VSTM4: variants seen among roughly 807,000 people sequenced by gnomAD.
VSTM4 encodes the protein V-set and transmembrane domain-containing protein 4.
VSTM4 carries 20 observed loss-of-function variants against 36.4 expected under a neutral mutation model. The observed-to-expected ratio is 0.55, with a 90% CI of 0.39 to 0.80. The LOEUF (loss-of-function observed/expected upper bound fraction) is 0.80, where lower values mean the gene tolerates loss of function less well. VSTM4 is among the 30% of genes least tolerant of loss of function. The probability of loss-of-function intolerance (pLI) is 0.00; values close to 1 mark genes in which losing one functional copy is unlikely to be tolerated. For synonymous variants in VSTM4, 182 were observed against 173.9 expected, an observed-to-expected ratio of 1.05 and a Z score of -0.37; for missense variants, 392 against 404.5, an observed-to-expected ratio of 0.97 and a Z score of 0.26.
chr10:49,079,937 C>A (rs1844249773), intron 3 of VSTM4, among the ~76,000 whole-genome samples: 2 of 151,874 alleles, frequency 1.3e-5, no homozygotes, highest in Non-Finnish European at 2.9e-5. Flanking sequence ...TTTTCAATTT[C>A]TCTCATTTTC....
At position 49,107,640 on chromosome 10, in the gene VSTM4, G is replaced by A. The variant is rs1844807756; in HGVS notation, c.411C>T (p.Asn137=). The A allele has an allele frequency of 6.2e-7, 1 of 1,613,736 alleles. No homozygotes were observed. Among genetic ancestry groups the A allele is most frequent in the Non-Finnish European group, 8.5e-7 (1 of 1,179,746 alleles). ...CRVQEISRHR[N]KWTAWSNGSS... Reference sequence around the variant, plus strand: ...AGCCATTGGACCAGGCCGTCCACTTGTTCCTGTGCCTGCTGATTTCCTGGA... The same window carrying A: ...AGCCATTGGACCAGGCCGTCCACTTATTCCTGTGCCTGCTGATTTCCTGGA... Residue 137 remains asparagine (N), a synonymous_variant, in exon 2 of 8, where the codon AAC becomes AAT. Transcript: ENST00000332853.
At chr10:49,063,296 T>C (rs1843914917) in intron 5 of VSTM4, among the ~76,000 whole-genome samples, 1 of 152,132 alleles carries the variant, frequency 6.6e-6, no homozygotes, top group African/African-American at 2.4e-5. Context: ...GATCATGCTA[T>C]TGCACTCCAG....
rs192343077 is a variant in VSTM4 at position 49,025,740 on chromosome 10, A to G, written c.838-5965T>C. Among the ~76,000 whole-genome samples the G allele has an allele frequency of 7.9e-4, 121 of 152,344 alleles. 1 individual carries two copies. The highest frequency in any genetic ancestry group is 2.7e-3 in the African/African-American group (114 of 41,584). ...ATCTGAGCAATGCACCTGGCTACCAAGTGACCGGCACACGGGCTAGCTGCA... is the reference window on the plus strand; with the variant it reads ...ATCTGAGCAATGCACCTGGCTACCAGGTGACCGGCACACGGGCTAGCTGCA... On this transcript the variant is annotated intron_variant, in intron 7 of 7. Coordinates refer to ENST00000332853, the MANE Select transcript of VSTM4 (RefSeq NM_001031746.5).
chr10:49,023,947 C>T (rs1255244213), intron 7 of VSTM4, among the ~76,000 whole-genome samples: 2 of 152,156 alleles, frequency 1.3e-5, no homozygotes, highest in East Asian at 3.8e-4. Flanking sequence ...GGCCTCAGAC[C>T]CGGACCGAGT....
At chr10:49,104,327 A>T (rs150071869) in intron 2 of VSTM4, among the ~76,000 whole-genome samples, 128 of 152,224 alleles carry the variant, frequency 8.4e-4, no homozygotes, top group African/African-American at 3.0e-3. Flanking sequence ...AACTATGAAC[A>T]TGAGGTGGAA....
chr10:49,111,523 C>A (rs1031364106), intron 1 of VSTM4, among the ~76,000 whole-genome samples: 2 of 152,196 alleles, frequency 1.3e-5, no homozygotes, highest in Admixed American at 6.5e-5. Context: ...ATGGAGCAGC[C>A]AGGCAGGGCA....
rs577890033 is a variant in VSTM4 at position 49,033,709 on chromosome 10, C to T, written c.837+13274G>A. Among the ~76,000 whole-genome samples, 8 of 152,274 alleles carry T rather than the reference C, an allele frequency of 5.3e-5. No homozygotes were observed. The East Asian group carries it at 1.4e-3, about 26-fold the overall frequency. On this transcript the variant is annotated intron_variant, in intron 7 of 7. Coordinates refer to ENST00000332853, the MANE Select transcript of VSTM4 (RefSeq NM_001031746.5). ...CCTGGTTGGAGCAGCTCTGCCATGT[C>T]CTAGTGGGAGACTTTGTATTAGTAT...
intron 5 of VSTM4, among the ~76,000 whole-genome samples, chr10:49,053,960 C>T (rs533813151): frequency 6.6e-6 from 1 of 152,344 alleles, no homozygotes; most frequent in East Asian, 1.9e-4. Context: ...TTCTGAGCAA[C>T]CATATTTTTC....
At chr10:49,097,910 C>T (rs141770192) in intron 2 of VSTM4, among the ~76,000 whole-genome samples, 86 of 152,248 alleles carry the variant, frequency 5.6e-4, no homozygotes, top group African/African-American at 1.9e-3. Context: ...TGTTTGTTTG[C>T]GTGTGTTCTT....
At chr10:49,073,925 G>A (rs1256537224) in intron 4 of VSTM4, among the ~76,000 whole-genome samples, 1 of 152,208 alleles carries the variant, frequency 6.6e-6, no homozygotes, top group African/African-American at 2.4e-5. Context: ...TGTTTAAAGG[G>A]TGTGCAAATT....
rs1843128345 is a variant in VSTM4 at position 49,018,043 on chromosome 10, G to A, written c.*1607C>T. ...TCCAGAGAGGGTGAACTTCCACTTT[G>A]TAAAGGCAGACCAGTTTGCTCCCAG... On this transcript the variant is annotated 3_prime_UTR_variant, in exon 8 of 8. Coordinates refer to ENST00000332853, the MANE Select transcript of VSTM4 (RefSeq NM_001031746.5). 1 of 152,198 alleles carries A rather than the reference G, an allele frequency of 6.6e-6. No individual in the cohort carries two copies. The highest frequency in any genetic ancestry group is 1.5e-5 in the Non-Finnish European group (1 of 68,038). The allele number at this position is 152,198 out of a possible 1,614,324, so 9.4% of individuals were successfully genotyped here.
chr10:49,064,757 G>A (rs763042860), intron 4 of VSTM4, 21 bp from the exon 5 acceptor site: 1 of 1,610,730 alleles, frequency 6.2e-7, no homozygotes, highest in South Asian at 1.1e-5. Context: ...AAAAATAATA[G>A]AAGATGGTAA....
At chr10:49,079,471 TATTCTAACC>T (rs1844239944) in intron 3 of VSTM4, among the ~76,000 whole-genome samples, 1 of 152,238 alleles carries the variant, frequency 6.6e-6, no homozygotes, top group African/African-American at 2.4e-5. Context: ...CCAAAAGCAT[TATTCTAACC>T]ATCTTTGAAG....
intron 5 of VSTM4, among the ~76,000 whole-genome samples, chr10:49,053,875 T>C (rs927442408): frequency 4.6e-5 from 7 of 152,198 alleles, no homozygotes; most frequent in Non-Finnish European, 1.0e-4. Flanking sequence ...AGAGGCTGCA[T>C]TCCTGAGCGA....
At chr10:49,112,170 T>A (rs1372373287) in intron 1 of VSTM4, among the ~76,000 whole-genome samples, 2 of 152,150 alleles carry the variant, frequency 1.3e-5, no homozygotes, top group Non-Finnish European at 2.9e-5. Flanking sequence ...AGGCCACTTT[T>A]TGAAGGAGGA....
rs1843153290 is a variant in VSTM4, at chr10:49,019,730, T to TCAG, written c.880_882dup (p.Leu294dup). On this transcript the variant is annotated inframe_insertion, in exon 8 of 8. Transcript: ENST00000332853. ...CCTTTGGCAGCCCGGTGGGGTTTGA[T>TCAG]CAGCTCCAGTTCGGCATAGGTTAAG... 2.5e-6 allele frequency: 4 copies of TCAG among 1,613,876 alleles called. No homozygotes were observed. Among genetic ancestry groups the TCAG allele is most frequent in the Non-Finnish European group, 3.4e-6 (4 of 1,179,988 alleles).
At chr10:49,052,433 A>ATT (rs372235532) in intron 5 of VSTM4, among the ~76,000 whole-genome samples, 80,197 of 143,474 alleles carry the variant, frequency 0.56, 23,391 homozygotes, top group East Asian at 0.71. Flanking sequence ...TTGATTTAGG[A>ATT]TTTTTTTTTT....
At chr10:49,047,133 A>G in intron 6 of VSTM4, 89 bp from the exon 7 acceptor site, 1 of 1,330,616 alleles carries the variant, frequency 7.5e-7, no homozygotes. Flanking sequence ...ATATTCTGAG[A>G]GGTCTCATAC....
At chr10:49,071,316 A>G (rs921225926) in intron 4 of VSTM4, among the ~76,000 whole-genome samples, 4 of 152,242 alleles carry the variant, frequency 2.6e-5, no homozygotes, top group African/African-American at 9.6e-5. Flanking sequence ...CGAACAAGCA[A>G]AAGCCTTTGG....
Sources: gnomAD v4.1 joint callset for allele counts (sites outside exome capture counted in the v4.1 genomes callset) on GRCh38, gnomAD v4.1.1 for gene constraint, MANE v1.5 for transcripts, NCBI Gene and HGNC (gene_info 2026-07-23, HGNC 2026-07-21) for gene names.